Variants in CPM observed in about 807,000 individuals in gnomAD.
CPM encodes the protein renal carboxypeptidase.
In CPM, 35 loss-of-function variants were observed where a neutral mutation model predicts 46.4. That is an observed-to-expected ratio of 0.75 (90% CI 0.58 to 1.00). CPM has a LOEUF of 1.00. Among genes scored for constraint, CPM ranks in the 50% least tolerant of loss-of-function variants. The pLI, the probability that CPM is intolerant of heterozygous loss-of-function variation, is 0.00. For missense variants in CPM, 422 were observed against 530.4 expected (o/e 0.80, Z 2.01); for synonymous variants, 195 against 195.3 (o/e 1.00, Z 0.01).
At chr12:68,923,160 A>AGTGTGTGTGTGT (rs869087872) in intron 2 of CPM, among the ~76,000 whole-genome samples, 1 of 45,670 alleles carries the variant, frequency 2.2e-5, no homozygotes, top group Non-Finnish European at 4.3e-5. Flanking sequence ...TTTGATATAG[A>AGTGTGTGTGTGT]GTGTGTGTGT....
intron 2 of CPM, among the ~76,000 whole-genome samples, chr12:68,908,704 A>G (rs1887454604): frequency 6.6e-6 from 1 of 152,210 alleles, no homozygotes; most frequent in Admixed American, 6.5e-5. Flanking sequence ...TATATTTATG[A>G]CCTTGGGGGA....
rs1249968432 is a variant in CPM at position 68,852,172 on chromosome 12, CTT to C, written c.*4263_*4264del. ...GACTTTTGGAAATGTTGAGAAAAAG[CTT>C]TTAACATTTCAGATACATCCAACAG... On this transcript the variant is annotated 3_prime_UTR_variant, in exon 9 of 9. Transcript: ENST00000551568. 1 of 152,160 alleles carries C rather than the reference CTT, an allele frequency of 6.6e-6. No homozygotes were observed. Among genetic ancestry groups the C allele is most frequent in the Non-Finnish European group, 1.5e-5 (1 of 68,026 alleles). The allele number at this position is 152,160 out of a possible 1,614,324, so 9.4% of individuals were successfully genotyped here.
upstream of CPM, among the ~76,000 whole-genome samples, chr12:68,935,223 T>C (rs1888654189): frequency 6.7e-6 from 1 of 148,622 alleles, no homozygotes. Context: ...TTTTTTTTTT[T>C]CTTAAAGAGA....
At chr12:68,936,134 G>C (rs1015753479), upstream of CPM, among the ~76,000 whole-genome samples, 1 of 152,128 alleles carries the variant, frequency 6.6e-6, no homozygotes, top group African/African-American at 2.4e-5. Context: ...GCAGGCCAGG[G>C]ACAGCACTGG....
rs532118149 is a variant in CPM, at chr12:68,920,068, C to G, written c.160+12610G>C. Among the ~76,000 whole-genome samples the G allele has an allele frequency of 1.2e-4, 18 of 152,210 alleles. No individual in the cohort carries two copies. The East Asian group carries it at 3.5e-3, about 29-fold the overall frequency. On this transcript the variant is annotated intron_variant, in intron 2 of 8. Coordinates refer to ENST00000551568, the MANE Select transcript of CPM (RefSeq NM_198320.5). ...GGTTGTTTAAAAGCGTGTGGCACCT[C>G]CCACCCCCTCTTTCTCTTGTTTCTG...
chr12:68,894,988 C>G (rs969928577), intron 2 of CPM, among the ~76,000 whole-genome samples: 2 of 144,866 alleles, frequency 1.4e-5, no homozygotes, highest in African/African-American at 5.1e-5. Flanking sequence ...GAGATCGCAC[C>G]GCTGCACTCC....
At chr12:68,869,541 A>G in intron 5 of CPM, 46 bp from the exon 6 acceptor site, 1 of 1,532,060 alleles carries the variant, frequency 6.5e-7, no homozygotes, top group African/African-American at 1.4e-5. Flanking sequence ...ACTTGAGAGT[A>G]AGAGGAAACA....
intron 1 of CPM, among the ~76,000 whole-genome samples, chr12:68,962,162 T>A (rs989089521): frequency 6.8e-6 from 1 of 146,064 alleles, no homozygotes; most frequent in Non-Finnish European, 1.5e-5. Flanking sequence ...ATAGCGCCAC[T>A]GCACTCCAGC....
At chr12:68,879,060 C>T (rs1452096565) in intron 3 of CPM, among the ~76,000 whole-genome samples, 1 of 152,182 alleles carries the variant, frequency 6.6e-6, no homozygotes, top group Non-Finnish European at 1.5e-5. Flanking sequence ...TGGTGGCACA[C>T]ACCTCTAGAC....
At chr12:68,893,442 T>A (rs1886739494) in intron 2 of CPM, among the ~76,000 whole-genome samples, 1 of 152,126 alleles carries the variant, frequency 6.6e-6, no homozygotes, top group Non-Finnish European at 1.5e-5. Flanking sequence ...TTCTGTGTAG[T>A]GGGCTGGGAA....
At chr12:68,935,453 C>A (rs1888658938), upstream of CPM, among the ~76,000 whole-genome samples, 1 of 151,012 alleles carries the variant, frequency 6.6e-6, no homozygotes, top group Admixed American at 6.6e-5. Context: ...ACCACACATG[C>A]CTAACTTCTG....
intron 3 of CPM, among the ~76,000 whole-genome samples, chr12:68,882,024 C>CTG (rs61409146): frequency 0.52 from 64,614 of 124,646 alleles, 17,382 homozygotes; most frequent in East Asian, 0.69. Flanking sequence ...GCCCGGCCTG[C>CTG]TTTTTTTTTT....
chr12:68,931,148 A>G (rs997804473), intron 2 of CPM, among the ~76,000 whole-genome samples: 2 of 152,224 alleles, frequency 1.3e-5, no homozygotes, highest in Non-Finnish European at 2.9e-5. Context: ...TTAAAAACAA[A>G]GTTACTATTA....
intron 2 of CPM, among the ~76,000 whole-genome samples, chr12:68,931,744 C>CA (rs1230893187): frequency 0.13 from 4,502 of 35,926 alleles, 327 homozygotes; most frequent in Middle Eastern, 0.14. Context: ...AGACTCTGAC[C>CA]AAAAAAAAAA....
At chr12:68,850,931 G>A (rs1223844752), downstream of CPM, among the ~76,000 whole-genome samples, 1 of 151,892 alleles carries the variant, frequency 6.6e-6, no homozygotes, top group Non-Finnish European at 1.5e-5. Flanking sequence ...GGAACACACT[G>A]CCCCACAACA....
chr12:68,931,763 A>AAAAAAAAAAAAAAAAAAG (rs1482981614), intron 2 of CPM, among the ~76,000 whole-genome samples: 12 of 132,534 alleles, frequency 9.1e-5, no homozygotes, highest in South Asian at 2.3e-4. Flanking sequence ...AAAAAAAAAA[A>AAAAAAAAAAAAAAAAAAG]AAAGAAAGAA....
Position 68,870,199 on chromosome 12 carries a change from A to C in CPM, c.616+16T>G. On this transcript the variant is annotated intron_variant, in intron 5 of 8. Coordinates refer to ENST00000551568, the MANE Select transcript of CPM (RefSeq NM_198320.5). ...TCTGGACTTAAGAAGCCAGAACTGGACCCGCACCTGCTTACCTTGAACACC... is the reference window on the plus strand; with the variant it reads ...TCTGGACTTAAGAAGCCAGAACTGGCCCCGCACCTGCTTACCTTGAACACC... The C allele has an allele frequency of 6.2e-7, 1 of 1,608,658 alleles. No individual in the cohort carries two copies. Among genetic ancestry groups the C allele is most frequent in the Non-Finnish European group, 8.5e-7 (1 of 1,177,396 alleles).
At chr12:68,883,657 G>T (rs950383182) in intron 3 of CPM, among the ~76,000 whole-genome samples, 1 of 152,116 alleles carries the variant, frequency 6.6e-6, no homozygotes, top group African/African-American at 2.4e-5. Flanking sequence ...AAACAAATTC[G>T]GGGGTAGGGG....
At position 68,932,945 on chromosome 12, in the gene CPM, C is replaced by A. The variant is rs1888574949; in HGVS notation, c.-3-105G>T. The A allele has an allele frequency of 8.9e-6, 9 of 1,007,830 alleles. No homozygotes were observed. The Middle Eastern group carries it at 1.6e-3, about 184-fold the overall frequency. 62.4% of individuals were successfully genotyped at this position (1,007,830 alleles called of 1,614,324 possible). On this transcript the variant is annotated intron_variant, in intron 1 of 8. Transcript: ENST00000551568. The stretch of plus-strand genomic sequence containing the variant: ...CGGTCTCAGGGTCTCCCGACACTGA[C>A]GCTCCCTGCCTCCTAAGGAGGCAAA...
Sources: allele counts gnomAD v4.1 joint callset (sites outside exome capture counted in the v4.1 genomes callset), GRCh38; gene constraint gnomAD v4.1.1; transcripts MANE v1.5; gene names NCBI Gene and HGNC (gene_info 2026-07-23, HGNC 2026-07-21).